Variants in OBP2B observed in about 807,000 individuals in gnomAD.
OBP2B encodes odorant binding protein 2B.
In OBP2B, 10 loss-of-function variants were observed where a neutral mutation model predicts 21.7. That is an observed-to-expected ratio of 0.46 (90% confidence interval 0.28 to 0.78). The LOEUF is 0.78. Ranked by LOEUF, OBP2B falls within the 30% of genes least tolerant of loss-of-function variation. The probability of loss-of-function intolerance (pLI) is 0.11; values close to 1 mark genes in which losing one functional copy is unlikely to be tolerated. For missense variants in OBP2B, 153 were observed against 217.7 expected (o/e 0.70, Z 1.87); for synonymous variants, 73 against 91.5 (o/e 0.80, Z 1.16).
In OBP2B at chr9:133,205,950, C is replaced by T. The variant is rs1253516365; in HGVS notation, c.491-10G>A. The T allele has an allele frequency of 6.2e-7, 1 of 1,613,896 alleles. No homozygotes were observed. The highest frequency in any genetic ancestry group is 8.5e-7 in the Non-Finnish European group (1 of 1,179,824). On this transcript the variant is annotated splice_polypyrimidine_tract_variant and intron_variant, in intron 5 of 6. Coordinates refer to ENST00000372034, the MANE Select transcript of OBP2B (RefSeq NM_014581.4). ...TCGGGAACGCAGCTTCCTGCAGAGACCAAGAAAAACCCAGGGATTAGAAGG... is the reference window on the plus strand; with the variant it reads ...TCGGGAACGCAGCTTCCTGCAGAGATCAAGAAAAACCCAGGGATTAGAAGG...
the OBP2B span, among the ~76,000 whole-genome samples, chr9:133,223,218 T>C: frequency 6.6e-6 from 1 of 152,190 alleles, no homozygotes; most frequent in South Asian, 2.1e-4. The surrounding 1 kb of genome is among the most constrained non-coding windows in gnomAD (Gnocchi z 4.4). Flanking sequence ...GAAAGGACTC[T>C]GTGCTGCAGG....
upstream of OBP2B, among the ~76,000 whole-genome samples, chr9:133,211,469 C>T (rs1483807639): frequency 4.6e-5 from 7 of 152,216 alleles, no homozygotes; most frequent in South Asian, 2.1e-4. Flanking sequence ...GGTGCACGGA[C>T]GTATTCACAG....
At position 133,208,092 on chromosome 9, in the gene OBP2B, C is replaced by T. The variant is rs1477995761; in HGVS notation, c.277+41G>A. On this transcript the variant is annotated intron_variant, in intron 3 of 6. Coordinates refer to ENST00000372034, the MANE Select transcript of OBP2B (RefSeq NM_014581.4). ...GTGGAGGCTGGTGCACTGGGGTTGG[C>T]GGTGGGGGAGGGTGGGGGTGGGAGT... 33 of 1,056,400 alleles carry T rather than the reference C, an allele frequency of 3.1e-5. 1 individual carries two copies. The African/African-American group carries it at 6.5e-4, about 21-fold the overall frequency. The allele number at this position is 1,056,400 out of a possible 1,614,324, so 65.4% of individuals were successfully genotyped here.
chr9:133,207,809 T>G (rs1833786657), intron 3 of OBP2B: 1 of 1,382,830 alleles, frequency 7.2e-7, no homozygotes, highest in Non-Finnish European at 9.7e-7. Context: ...ACCCTCAGCT[T>G]CCCCATCCCT....
chr9:133,207,639 C>A (rs1284701749), intron 3 of OBP2B, among the ~76,000 whole-genome samples: 4 of 152,080 alleles, frequency 2.6e-5, no homozygotes, highest in Admixed American at 1.3e-4. Flanking sequence ...TCAGCCTCCC[C>A]ATCTCTAATC....
the OBP2B span, among the ~76,000 whole-genome samples, chr9:133,219,390 T>C: frequency 6.6e-6 from 1 of 152,102 alleles, no homozygotes; most frequent in Admixed American, 6.5e-5. Context: ...GAGTCTAGTA[T>C]CAACAATATA....
At chr9:133,222,515 G>A in the OBP2B span, among the ~76,000 whole-genome samples, 2 of 152,154 alleles carry the variant, frequency 1.3e-5, no homozygotes, top group Admixed American at 1.3e-4. Flanking sequence ...ATCAATTGAG[G>A]TCAGGAGTTC....
chr9:133,207,735 A>T, intron 3 of OBP2B: 1 of 723,026 alleles, frequency 1.4e-6, no homozygotes. Flanking sequence ...CCGATCCCTA[A>T]CCCTTGGCCC....
At position 133,205,927 on chromosome 9, in the gene OBP2B, G is replaced by A. The variant is rs782218099; in HGVS notation, c.504C>T (p.Pro168=). The change falls in exon 6 of 7, where the codon CCC becomes CCT. Residue 168 remains proline, a synonymous_variant. Transcript: ENST00000372034. ...FTPLQTGSCV[P]EH is the part of the protein sequence containing the mutation. ...TAAAGGCTCACTCACCCTAGTGTTC[G>A]GGAACGCAGCTTCCTGCAGAGACCA... 1.8e-5 allele frequency: 29 copies of A among 1,613,700 alleles called. No homozygotes were observed. The Admixed American group carries it at 2.2e-4, about 12-fold the overall frequency.
upstream of OBP2B, chr9:133,209,313 T>C (rs1333596792): frequency 7.1e-5 from 68 of 964,270 alleles, no homozygotes; most frequent in Admixed American, 3.2e-4. This position sits in a 1 kb window ranked among gnomAD's most constrained non-coding sequence, Gnocchi z 6.0. Context: ...TGGGAGCACG[T>C]GGCACGGTGC....
chr9:133,214,465 T>C, the OBP2B span, among the ~76,000 whole-genome samples: 5 of 152,218 alleles, frequency 3.3e-5, no homozygotes, highest in Non-Finnish European at 5.9e-5. Context: ...GTGGGAAATA[T>C]GTGGGAATGG....
the OBP2B span, among the ~76,000 whole-genome samples, chr9:133,220,479 G>A: frequency 6.6e-6 from 1 of 152,172 alleles, no homozygotes; most frequent in Non-Finnish European, 1.5e-5. Context: ...GTCCCCTGAA[G>A]ATGTCCGCAT....
At chr9:133,211,117 C>T (rs371215480), upstream of OBP2B, among the ~76,000 whole-genome samples, 1 of 152,142 alleles carries the variant, frequency 6.6e-6, no homozygotes, top group Non-Finnish European at 1.5e-5. Context: ...GGGCTTTACT[C>T]GACACCTGGG....
At position 133,207,152 on chromosome 9, in the gene OBP2B, G is replaced by A; in HGVS notation, c.388+74C>T. 3 of 1,033,484 alleles carry A rather than the reference G, an allele frequency of 2.9e-6. No individual in the cohort carries two copies. The South Asian group carries it at 3.8e-5, about 13-fold the overall frequency. 64.0% of individuals were successfully genotyped at this position (1,033,484 alleles called of 1,614,324 possible). ...TCCTTTTCCCCCATGCCAGGGCATG[G>A]TGGTGCTGGTTCCACCGGCTTCCAG... On this transcript the variant is annotated intron_variant, in intron 4 of 6. Transcript: ENST00000372034.
At position 133,205,306 on chromosome 9, in the gene OBP2B, A is replaced by T; in HGVS notation, c.*107T>A. 6.7e-7 allele frequency: 1 copy of T among 1,500,896 alleles called. No homozygotes were observed. The highest frequency in any genetic ancestry group is 2.6e-5 in the East Asian group (1 of 39,090). 93.0% of individuals were successfully genotyped at this position (1,500,896 alleles called of 1,614,324 possible). On this transcript the variant is annotated 3_prime_UTR_variant, in exon 7 of 7. Transcript: ENST00000372034. ...GGGGAGAAGGACTTTATTTGGAGTC[A>T]GGTGGGTGGGAGCAGGGAAGGGTCA...
At chr9:133,207,818 C>T (rs182719632) in intron 3 of OBP2B, 11 of 1,437,214 alleles carry the variant, frequency 7.7e-6, no homozygotes, top group East Asian at 5.8e-5. Flanking sequence ...TTCCCCATCC[C>T]TAACCCTCAG....
intron 4 of OBP2B, among the ~76,000 whole-genome samples, chr9:133,206,838 C>T (rs758279619): frequency 6.6e-6 from 1 of 151,854 alleles, no homozygotes; most frequent in East Asian, 2.0e-4. Context: ...CTCCCAATGC[C>T]ACCCTGCAGG....
chr9:133,206,537 G>A, intron 4 of OBP2B, 121 bp from the exon 5 acceptor site: 3 of 1,313,450 alleles, frequency 2.3e-6, no homozygotes, highest in Non-Finnish European at 3.2e-6. Flanking sequence ...CCTGAGAGTG[G>A]ATCAGAGCTC....
chr9:133,214,783 GT>G, the OBP2B span, among the ~76,000 whole-genome samples: 1 of 152,334 alleles, frequency 6.6e-6, no homozygotes, highest in Admixed American at 6.5e-5. Context: ...AAGGAAAAAA[GT>G]TTTTAAGCAC....
Sources: gnomAD v4.1 joint callset for allele counts (sites outside exome capture counted in the v4.1 genomes callset) on GRCh38, gnomAD v4.1.1 for gene constraint, Gnocchi (gnomAD v3.1) non-coding constraint, MANE v1.5 for transcripts, NCBI Gene and HGNC (gene_info 2026-07-23, HGNC 2026-07-21) for gene names.